MTUS1: variants seen among roughly 807,000 people sequenced by gnomAD.
MTUS1 encodes the protein microtubule-associated tumor suppressor 1.
MTUS1 carries 109 observed loss-of-function variants against 120.8 expected under a neutral mutation model. The observed-to-expected ratio is 0.90, with a 90% CI of 0.77 to 1.06. The LOEUF (loss-of-function observed/expected upper bound fraction) is 1.06, where lower values mean the gene tolerates loss of function less well. Ranked by LOEUF, MTUS1 falls within the 50% of genes least tolerant of loss-of-function variation. MTUS1 has a pLI of 0.00. For synonymous variants in MTUS1, 737 were observed against 550.5 expected, an observed-to-expected ratio of 1.34 and a Z score of -4.74; for missense variants, 2,210 against 1,486.3, an observed-to-expected ratio of 1.49 and a Z score of -8.01.
At chr8:17,689,717 C>T (rs1419271573) in intron 6 of MTUS1, among the ~76,000 whole-genome samples, 3 of 152,032 alleles carry the variant, frequency 2.0e-5, no homozygotes, top group Admixed American at 6.6e-5. Flanking sequence ...GAACAGAGAA[C>T]CCAGAAATAA....
intron 7 of MTUS1, chr8:17,681,620 T>C (rs1814525753): frequency 6.5e-6 from 1 of 154,830 alleles, no homozygotes; most frequent in African/African-American, 2.4e-5. Flanking sequence ...TTTGGCATGA[T>C]GGCAAAACCG....
intron 11 of MTUS1, 47 bp downstream of exon 11, chr8:17,653,378 T>A: frequency 6.5e-7 from 1 of 1,542,854 alleles, no homozygotes; most frequent in South Asian, 1.2e-5. Flanking sequence ...AAATCAAAAA[T>A]GATATTTTTT....
intron 6 of MTUS1, among the ~76,000 whole-genome samples, chr8:17,693,922 G>A (rs753102793): frequency 1.3e-5 from 2 of 152,192 alleles, no homozygotes; most frequent in South Asian, 4.1e-4. Context: ...TAATGTGAAA[G>A]ACAGTCTAGA....
intron 2 of MTUS1, among the ~76,000 whole-genome samples, chr8:17,745,031 TCTTGAGGATGTGTCATCAG>T (rs1384789397): frequency 6.6e-6 from 1 of 152,226 alleles, no homozygotes; most frequent in Admixed American, 6.5e-5. Flanking sequence ...TCTGAGGACC[TCTTGAGGATGTGTCATCAG>T]CCATGGTCCT....
At chr8:17,677,984 A>G (rs1241200564) in intron 7 of MTUS1, among the ~76,000 whole-genome samples, 2 of 152,214 alleles carry the variant, frequency 1.3e-5, no homozygotes, top group Admixed American at 1.3e-4. Context: ...ACCTAGAACT[A>G]GAACATCCAG....
chr8:17,660,755 A>G (rs1437998279), intron 8 of MTUS1, among the ~76,000 whole-genome samples: 1 of 152,192 alleles, frequency 6.6e-6, no homozygotes, highest in Non-Finnish European at 1.5e-5. Context: ...CACTGTGGTT[A>G]TGATTTGGTC....
At chr8:17,664,685 G>C (rs1456436754) in intron 8 of MTUS1, among the ~76,000 whole-genome samples, 1 of 152,004 alleles carries the variant, frequency 6.6e-6, no homozygotes, top group Non-Finnish European at 1.5e-5. Flanking sequence ...AAGCAGGAGG[G>C]GACACTACAT....
At position 17,793,655 on chromosome 8, in the gene MTUS1, G is replaced by C. The variant is rs139998655; in HGVS notation, c.-155+7406C>G. ...AAATATACTGGAAAAGGTAACTAAA[G>C]ATTCTCATTGAGAGAAATTAAGAGA... is the stretch of plus-strand genomic sequence containing the variant. On this transcript the variant is annotated intron_variant, in intron 1 of 14. Coordinates refer to ENST00000693296, the MANE Select transcript of MTUS1 (RefSeq NM_001363059.2). 1.3e-3 allele frequency among the ~76,000 whole-genome samples: 199 copies of C among 152,278 alleles called. 6 individuals are homozygous for C. The highest frequency in any genetic ancestry group is 0.011 in the Admixed American group (165 of 15,294).
intron 8 of MTUS1, among the ~76,000 whole-genome samples, chr8:17,671,843 G>C (rs1179139877): frequency 1.3e-5 from 2 of 152,162 alleles, no homozygotes; most frequent in African/African-American, 4.8e-5. Context: ...TGGGTGCTTT[G>C]ATGACGGCGA....
intron 6 of MTUS1, among the ~76,000 whole-genome samples, chr8:17,694,444 T>C (rs749060457): frequency 1.3e-5 from 2 of 152,144 alleles, no homozygotes; most frequent in South Asian, 2.1e-4. Context: ...GGCAGGCGAA[T>C]TGCCTGAGGT....
chr8:17,678,244 T>C (rs1475387426), intron 7 of MTUS1, among the ~76,000 whole-genome samples: 1 of 152,194 alleles, frequency 6.6e-6, no homozygotes, highest in African/African-American at 2.4e-5. Context: ...TTACTGTTTC[T>C]TTTTACTCAG....
intron 4 of MTUS1, among the ~76,000 whole-genome samples, chr8:17,717,559 T>A (rs1340141428): frequency 6.6e-6 from 1 of 152,212 alleles, no homozygotes; most frequent in African/African-American, 2.4e-5. Context: ...TTATTCATAT[T>A]TTAAAAAATT....
In MTUS1 at chr8:17,722,605, G is replaced by A. The variant is rs955669173; in HGVS notation, c.2449+1067C>T. 5.1e-5 allele frequency: 50 copies of A among 982,220 alleles called. 1 individual carries two copies. Among genetic ancestry groups the A allele is most frequent in the Admixed American group, 1.2e-4 (2 of 16,244 alleles). The allele number at this position is 982,220 out of a possible 1,614,324, so 60.8% of individuals were successfully genotyped here. On this transcript the variant is annotated intron_variant, in intron 4 of 14. Coordinates refer to ENST00000693296, the MANE Select transcript of MTUS1 (RefSeq NM_001363059.2). ...TCCAGCTACTGCTGCTAGGTGACCC[G>A]TCGGAAATGTGCTCATTAATTCGGT... is the stretch of plus-strand genomic sequence containing the variant.
At position 17,715,081 on chromosome 8, in the gene MTUS1, T is replaced by C. The variant is rs1166411980; in HGVS notation, c.2584+686A>G. Among the ~76,000 whole-genome samples, 2 of 151,696 alleles carry C rather than the reference T, an allele frequency of 1.3e-5. 1 individual carries two copies. Among genetic ancestry groups the C allele is most frequent in the East Asian group, 3.9e-4 (2 of 5,150 alleles). On this transcript the variant is annotated intron_variant, in intron 5 of 14. Transcript: ENST00000693296. ...CGACCATGCCCAGCTAATTTTTGTATTTTTAGTAGAGATGGGGTTTTGCCA... is the reference window on the plus strand; with the variant it reads ...CGACCATGCCCAGCTAATTTTTGTACTTTTAGTAGAGATGGGGTTTTGCCA...
At chr8:17,652,050 A>G (rs1807117084) in intron 12 of MTUS1, among the ~76,000 whole-genome samples, 1 of 152,220 alleles carries the variant, frequency 6.6e-6, no homozygotes, top group Non-Finnish European at 1.5e-5. Flanking sequence ...TGAGAGATCC[A>G]CACATGTACT....
intron 8 of MTUS1, among the ~76,000 whole-genome samples, chr8:17,666,819 C>G (rs1811016656): frequency 6.6e-6 from 1 of 152,084 alleles, no homozygotes; most frequent in East Asian, 1.9e-4. Flanking sequence ...ATTACTATTC[C>G]TTAAAGCCCA....
intron 1 of MTUS1, among the ~76,000 whole-genome samples, chr8:17,796,179 G>A (rs1475583848): frequency 7.8e-5 from 1 of 12,898 alleles, no homozygotes; most frequent in African/African-American, 3.3e-4. Flanking sequence ...TAGAACTCCT[G>A]ACCTGAAGTG....
In MTUS1 at chr8:17,733,329, C is replaced by T. The variant is rs189944291; in HGVS notation, c.2288-9496G>A. ...TCATGCCATTGCACTCCAGCCTGGGCGACACAGCAAGACTGTGCCTCAAAA... is the reference window on the plus strand; with the variant it reads ...TCATGCCATTGCACTCCAGCCTGGGTGACACAGCAAGACTGTGCCTCAAAA... On this transcript the variant is annotated intron_variant, in intron 3 of 14. Transcript: ENST00000693296. Among the ~76,000 whole-genome samples the T allele has an allele frequency of 1.0e-3, 155 of 149,272 alleles. 2 individuals are homozygous for T. The highest frequency in any genetic ancestry group is 3.7e-4 in the Non-Finnish European group (25 of 67,646).
chr8:17,697,501 A>G, intron 6 of MTUS1: 1 of 1,425,202 alleles, frequency 7.0e-7, no homozygotes, highest in Non-Finnish European at 9.2e-7. Flanking sequence ...ATGCCTACAC[A>G]GCAAATGTCA....
Sources: gnomAD v4.1 joint callset for allele counts (sites outside exome capture counted in the v4.1 genomes callset) on GRCh38, gnomAD v4.1.1 for gene constraint, MANE v1.5 for transcripts, NCBI Gene and HGNC (gene_info 2026-07-23, HGNC 2026-07-21) for gene names.